BFSP2: variants seen among roughly 807,000 people sequenced by gnomAD.
BFSP2 encodes the protein phakinin.
A neutral mutation model predicts 44.9 loss-of-function variants in BFSP2; 38 were observed. The ratio of observed to expected loss-of-function variants is 0.85; its 90% confidence interval spans 0.65 to 1.11. The LOEUF (loss-of-function observed/expected upper bound fraction) is 1.11. BFSP2 is among the 50% of genes least tolerant of loss of function. BFSP2 has a pLI of 0.00. For missense variants in BFSP2, 525 were observed against 533.0 expected, an observed-to-expected ratio of 0.99 and a Z score of 0.15; for synonymous variants, 197 against 209.9, an observed-to-expected ratio of 0.94 and a Z score of 0.53.
chr3:133,454,323 C>G (rs1231275821), intron 4 of BFSP2, among the ~76,000 whole-genome samples: 2 of 151,976 alleles, frequency 1.3e-5, no homozygotes, highest in Non-Finnish European at 2.9e-5. Flanking sequence ...ATGGTGAGAC[C>G]CCATCTCTTT....
chr3:133,438,405 C>T lies in BFSP2; in HGVS notation c.490-8912C>T, dbSNP rs781297262. On this transcript the variant is annotated intron_variant, in intron 1 of 6. Coordinates refer to ENST00000302334, the MANE Select transcript of BFSP2 (RefSeq NM_003571.4). ...CAAAAATTAGCTGGGTGTGGTGGCA[C>T]ATGCCTTTAATCCCAGCTACTCAGG... Among the ~76,000 whole-genome samples the T allele has an allele frequency of 2.6e-5, 4 of 152,170 alleles. No homozygotes were observed. In the South Asian group the frequency reaches 8.3e-4, roughly 31 times the overall value.
At chr3:133,419,800 C>G (rs2073576275) in intron 1 of BFSP2, among the ~76,000 whole-genome samples, 1 of 152,220 alleles carries the variant, frequency 6.6e-6, no homozygotes, top group Admixed American at 6.5e-5. Flanking sequence ...TTGTCTTTTT[C>G]AGTGATTTTA....
chr3:133,416,512 C>T (rs1576563098), intron 1 of BFSP2, among the ~76,000 whole-genome samples: 1 of 148,216 alleles, frequency 6.7e-6, no homozygotes, highest in Non-Finnish European at 1.5e-5. Flanking sequence ...CTGCCCTCTA[C>T]TGACCCCTGT....
chr3:133,439,179 T>C (rs1388603260), intron 1 of BFSP2, among the ~76,000 whole-genome samples: 1 of 152,256 alleles, frequency 6.6e-6, no homozygotes, highest in Non-Finnish European at 1.5e-5. Flanking sequence ...AAAAATATTT[T>C]GGTTTGGTCT....
chr3:133,441,951 G>A (rs916586617), intron 1 of BFSP2, among the ~76,000 whole-genome samples: 4 of 152,100 alleles, frequency 2.6e-5, no homozygotes, highest in Non-Finnish European at 2.9e-5. Context: ...CAGGGGAGTC[G>A]GCAAGTGCTA....
At chr3:133,448,694 C>T in intron 3 of BFSP2, 49 bp downstream of exon 3, 2 of 1,601,678 alleles carry the variant, frequency 1.2e-6, no homozygotes, top group African/African-American at 1.3e-5. Context: ...CAGAAGTTCA[C>T]ATCTGTCTGC....
intron 1 of BFSP2, among the ~76,000 whole-genome samples, chr3:133,407,828 A>C (rs1307709383): frequency 6.6e-6 from 1 of 152,192 alleles, no homozygotes; most frequent in Non-Finnish European, 1.5e-5. Flanking sequence ...AGATAGTCAT[A>C]AGGAAAATAA....
At chr3:133,415,262 TCTGCTCTACTCA>T (rs2073508832) in intron 1 of BFSP2, among the ~76,000 whole-genome samples, 1 of 73,638 alleles carries the variant, frequency 1.4e-5, no homozygotes, top group Non-Finnish European at 2.5e-5. Flanking sequence ...CCCTGCCCCC[TCTGCTCTACTCA>T]CCCCTCTACT....
intron 1 of BFSP2, among the ~76,000 whole-genome samples, chr3:133,438,576 T>G (rs1402448412): frequency 3.9e-5 from 6 of 152,202 alleles, no homozygotes; most frequent in Admixed American, 3.9e-4. Context: ...GTGAAAGTGC[T>G]GACAGCAGGG....
In BFSP2 at chr3:133,406,116, AT is replaced by A. The variant is rs11398329; in HGVS notation, c.489+5558del. Among the ~76,000 whole-genome samples the A allele has an allele frequency of 1.0e-3, 144 of 144,174 alleles. 2 individuals carry two copies. Among genetic ancestry groups the A allele is most frequent in the Middle Eastern group, 3.6e-3 (1 of 274 alleles). The allele number at this position is 144,174 out of a possible 152,430, so 94.6% of individuals were successfully genotyped here. A position where few individuals can be genotyped will look rare whatever the true frequency, so the allele number is the denominator to read the frequency against. On this transcript the variant is annotated intron_variant, in intron 1 of 6. Transcript: ENST00000302334. ...CAGGTGCCCACCACCATATCCAGCT[AT>A]TTTTTTTTTTTTTGTATTTTTAGTA... is the stretch of plus-strand genomic sequence containing the variant.
chr3:133,435,621 T>G (rs1336110136), intron 1 of BFSP2, among the ~76,000 whole-genome samples: 1 of 152,234 alleles, frequency 6.6e-6, no homozygotes, highest in Non-Finnish European at 1.5e-5. Context: ...TCGCTTAACT[T>G]TAATTTTTCG....
chr3:133,429,634 CTTA>C (rs2073688841), intron 1 of BFSP2: 1 of 152,140 alleles, frequency 6.6e-6, no homozygotes, highest in South Asian at 2.1e-4. Context: ...ACTTTCTTCA[CTTA>C]TTGTGTTTTT....
intron 1 of BFSP2, among the ~76,000 whole-genome samples, chr3:133,424,699 A>G (rs1236514212): frequency 2.0e-5 from 3 of 152,212 alleles, no homozygotes. Flanking sequence ...GCCTTGGCAC[A>G]ATCTCGGCTC....
intron 4 of BFSP2, among the ~76,000 whole-genome samples, chr3:133,460,113 A>T (rs1370284739): frequency 6.6e-6 from 1 of 151,532 alleles, no homozygotes; most frequent in East Asian, 1.9e-4. Context: ...CTACTCTTAT[A>T]CAAGGCAGGA....
At position 133,407,963 on chromosome 3, in the gene BFSP2, A is replaced by G. The variant is rs561411868; in HGVS notation, c.489+7391A>G. Among the ~76,000 whole-genome samples, 57 of 152,344 alleles carry G rather than the reference A, an allele frequency of 3.7e-4. 1 individual carries two copies. In the South Asian group the frequency reaches 6.0e-3, roughly 16 times the overall value. ...AATTCCTTTATAACTTGGATGTGGG[A>G]AAAATTTTTCTTGTTACAATTCAAA... On this transcript the variant is annotated intron_variant, in intron 1 of 6. Transcript: ENST00000302334.
chr3:133,424,208 G>C (rs1411094403), intron 1 of BFSP2, among the ~76,000 whole-genome samples: 2 of 36,866 alleles, frequency 5.4e-5, no homozygotes, highest in Admixed American at 3.0e-4. Context: ...ACCGCGTCCA[G>C]CTAATTTTTT....
chr3:133,432,562 C>G (rs1352903459), intron 1 of BFSP2, among the ~76,000 whole-genome samples: 2 of 152,114 alleles, frequency 1.3e-5, no homozygotes, highest in African/African-American at 2.4e-5. Flanking sequence ...TGCTTCTCAC[C>G]TTATTCAATA....
chr3:133,400,412 A>T lies in BFSP2; in HGVS notation c.329A>T (p.Asp110Val), dbSNP rs776079190. 6.3e-5 allele frequency: 102 copies of T among 1,613,880 alleles called. No homozygotes were observed. Among genetic ancestry groups the T allele is most frequent in the Non-Finnish European group, 8.4e-5 (99 of 1,180,036 alleles). The change falls in exon 1 of 7, where the codon GAC (aspartate) becomes GTC (valine). Residue 110 changes from aspartate to valine, a missense_variant. By Grantham distance (152) the Asp-to-Val change is radical. Coordinates refer to ENST00000302334, the MANE Select transcript of BFSP2 (RefSeq NM_003571.4). The surrounding 1 kb of genome is among the most constrained non-coding windows in gnomAD (Gnocchi z 4.0). ...GLERDHGAVEDLGGCLVEYMA... is the reference protein window; with the variant it reads ...GLERDHGAVEVLGGCLVEYMA... The stretch of plus-strand genomic sequence containing the variant: ...GAGAGGGACCATGGTGCTGTTGAGG[A>T]CCTAGGGGGCTGCCTGGTGGAATAT...
intron 1 of BFSP2, among the ~76,000 whole-genome samples, chr3:133,428,296 G>C (rs1459655607): frequency 6.6e-6 from 1 of 151,514 alleles, no homozygotes; most frequent in Non-Finnish European, 1.5e-5. Context: ...GGAAGACCAA[G>C]CAAGGGAGCC....
Sources: gnomAD v4.1 joint callset for allele counts (sites outside exome capture counted in the v4.1 genomes callset) on GRCh38, gnomAD v4.1.1 for gene constraint, Gnocchi (gnomAD v3.1) non-coding constraint, MANE v1.5 for transcripts, NCBI Gene and HGNC (gene_info 2026-07-23, HGNC 2026-07-21) for gene names.